The following TMED3 variants were observed in gnomAD, a reference collection of about 807,000 sequenced individuals.
The protein encoded by TMED3 is transmembrane emp24 domain-containing protein 3.
In TMED3, 9 loss-of-function variants were observed where a neutral mutation model predicts 15.0. The ratio of observed to expected loss-of-function variants is 0.60; its 90% CI spans 0.36 to 1.04. The LOEUF (loss-of-function observed/expected upper bound fraction) is 1.04, where lower values mean the gene tolerates loss of function less well. Ranked by LOEUF, TMED3 falls within the 50% of genes least tolerant of loss-of-function variation. The probability of loss-of-function intolerance (pLI) is 0.01; values close to 1 mark genes in which losing one functional copy is unlikely to be tolerated. For missense variants in TMED3, 267 were observed against 278.9 expected (o/e 0.96, Z 0.30); for synonymous variants, 117 against 121.4 (o/e 0.96, Z 0.24).
chr15:79,380,279 G>A (rs1312373645), intron 2 of TMED3, among the ~76,000 whole-genome samples: 2 of 151,664 alleles, frequency 1.3e-5, no homozygotes, highest in African/African-American at 2.4e-5. Flanking sequence ...TGAACCTGGA[G>A]GTGGAGATTG....
chr15:79,337,946 G>C (rs1033137305), intron 2 of TMED3, among the ~76,000 whole-genome samples: 2 of 152,198 alleles, frequency 1.3e-5, no homozygotes, highest in Non-Finnish European at 2.9e-5. Flanking sequence ...TGTATATGGG[G>C]ATACTTTATA....
At chr15:79,376,017 A>G (rs1222756222) in intron 2 of TMED3, among the ~76,000 whole-genome samples, 1 of 150,026 alleles carries the variant, frequency 6.7e-6, no homozygotes, top group Non-Finnish European at 1.5e-5. Context: ...CTCTTCTACT[A>G]TGCCTCCTTT....
At chr15:79,411,288 A>G in intron 2 of TMED3, 1 of 595,456 alleles carries the variant, frequency 1.7e-6, no homozygotes, top group Non-Finnish European at 3.1e-6. Context: ...TCTTCCACAA[A>G]GGGGCTAGGC....
In TMED3 at chr15:79,322,334, C is replaced by T. The variant is rs1205416916; in HGVS notation, c.*120C>T. ...AGGCAGAACGATGCTGCTGTGGTAG[C>T]CCTTTGCCTTTCATGCCCATGCTTG... On this transcript the variant is annotated 3_prime_UTR_variant, in exon 3 of 3. Coordinates refer to ENST00000299705, the MANE Select transcript of TMED3 (RefSeq NM_007364.4). The T allele has an allele frequency of 8.0e-6, 12 of 1,497,416 alleles. No individual in the cohort carries two copies. Among genetic ancestry groups the T allele is most frequent in the Non-Finnish European group, 8.9e-6 (10 of 1,127,738 alleles). 92.8% of individuals were successfully genotyped at this position (1,497,416 alleles called of 1,614,324 possible).
chr15:79,349,564 A>C (rs12593673), intron 2 of TMED3, among the ~76,000 whole-genome samples: 16,822 of 152,186 alleles, frequency 0.11, 1,317 homozygotes, highest in East Asian at 0.41. Flanking sequence ...TCTCCCTAAA[A>C]ACCTACCACT....
At chr15:79,377,069 T>C (rs1595905140) in intron 2 of TMED3, among the ~76,000 whole-genome samples, 1 of 152,292 alleles carries the variant, frequency 6.6e-6, no homozygotes, top group African/African-American at 2.4e-5. Context: ...GGAGCAGAGA[T>C]TACAGGTATT....
At chr15:79,313,736 C>T in intron 1 of TMED3, 21 bp from the exon 2 acceptor site, 1 of 1,604,520 alleles carries the variant, frequency 6.2e-7, no homozygotes, top group Non-Finnish European at 8.5e-7. Flanking sequence ...TTGATAACAG[C>T]AATTTTTTTA....
At chr15:79,334,608 T>C (rs1449821404) in intron 2 of TMED3, among the ~76,000 whole-genome samples, 1 of 151,976 alleles carries the variant, frequency 6.6e-6, no homozygotes, top group Non-Finnish European at 1.5e-5. Context: ...TGCCTCAACT[T>C]CTCCCCACAC....
chr15:79,336,749 C>A (rs1194467860), intron 2 of TMED3, among the ~76,000 whole-genome samples: 2 of 152,034 alleles, frequency 1.3e-5, no homozygotes, highest in Non-Finnish European at 1.5e-5. Flanking sequence ...CACATTAGCA[C>A]CCTAGCTAAT....
At chr15:79,395,929 G>A (rs1893756988) in intron 2 of TMED3, among the ~76,000 whole-genome samples, 1 of 152,198 alleles carries the variant, frequency 6.6e-6, no homozygotes, top group Admixed American at 6.5e-5. Flanking sequence ...ATTTGGATCA[G>A]TTGTTGCTGA....
intron 2 of TMED3, among the ~76,000 whole-genome samples, chr15:79,367,596 C>T (rs945245647): frequency 6.6e-6 from 1 of 152,218 alleles, no homozygotes; most frequent in Non-Finnish European, 1.5e-5. Flanking sequence ...TAAACCCCAC[C>T]TGTTCCACCA....
At chr15:79,386,188 A>T (rs1002157665) in intron 2 of TMED3, among the ~76,000 whole-genome samples, 2 of 152,226 alleles carry the variant, frequency 1.3e-5, no homozygotes, top group East Asian at 3.8e-4. Context: ...TTGCAAGATG[A>T]AAAAGTTCTG....
intron 2 of TMED3, among the ~76,000 whole-genome samples, chr15:79,411,176 T>C (rs565636398): frequency 6.6e-6 from 1 of 152,302 alleles, no homozygotes; most frequent in South Asian, 2.1e-4. Flanking sequence ...TAGAGCCTGT[T>C]CAATTTATCT....
At chr15:79,406,503 T>C (rs757275766) in intron 2 of TMED3, among the ~76,000 whole-genome samples, 5 of 152,162 alleles carry the variant, frequency 3.3e-5, no homozygotes, top group Non-Finnish European at 5.9e-5. Context: ...TCATCAGTTT[T>C]AGCCTAGAAC....
chr15:79,369,100 A>G (rs562823825), intron 2 of TMED3, among the ~76,000 whole-genome samples: 4 of 152,152 alleles, frequency 2.6e-5, no homozygotes, highest in Admixed American at 2.0e-4. Context: ...TCTTAAAAAA[A>G]AAAAAAAAAA....
At chr15:79,382,842 G>A in intron 2 of TMED3, 2 of 881,036 alleles carry the variant, frequency 2.3e-6, no homozygotes, top group South Asian at 1.6e-5. Context: ...TAGGTGCAGG[G>A]AAGCTTCTTT....
intron 2 of TMED3, among the ~76,000 whole-genome samples, chr15:79,402,789 T>C (rs887444395): frequency 1.3e-5 from 2 of 149,490 alleles, no homozygotes; most frequent in African/African-American, 4.9e-5. Context: ...CTGTCTCAAA[T>C]AAAAATAAAA....
At chr15:79,311,438 G>C in intron 1 of TMED3, 21 bp downstream of exon 1, 1 of 1,593,434 alleles carries the variant, frequency 6.3e-7, no homozygotes, top group Non-Finnish European at 8.5e-7. Flanking sequence ...GCGCCCGGCA[G>C]CGCTCCCTTC....
intron 2 of TMED3, among the ~76,000 whole-genome samples, chr15:79,375,912 G>T (rs116326689): frequency 1.2e-3 from 188 of 152,270 alleles, no homozygotes; most frequent in African/African-American, 4.4e-3. Context: ...CAGACCTGTT[G>T]TCCTGTCATC....
Sources: allele counts gnomAD v4.1 joint callset (sites outside exome capture counted in the v4.1 genomes callset), GRCh38; gene constraint gnomAD v4.1.1; transcripts MANE v1.5; gene names NCBI Gene and HGNC (gene_info 2026-07-23, HGNC 2026-07-21).